ATP10A: variants seen among roughly 807,000 people sequenced by gnomAD.
ATP10A encodes the protein ATPase phospholipid transporting 10A (putative).
Under a neutral mutation model 147.8 loss-of-function variants are expected in ATP10A, and 111 were observed. The observed-to-expected ratio is 0.75, with a 90% CI of 0.64 to 0.88. The LOEUF is 0.88. Among genes scored for constraint, ATP10A ranks in the 40% least tolerant of loss-of-function variants. The probability of loss-of-function intolerance (pLI) is 0.00; values close to 1 mark genes in which losing one functional copy is unlikely to be tolerated. For missense variants in ATP10A, 1,927 were observed against 1,959.0 expected (o/e 0.98, Z 0.31); for synonymous variants, 875 against 841.6 (o/e 1.04, Z -0.69).
intron 2 of ATP10A, among the ~76,000 whole-genome samples, chr15:25,760,801 G>A (rs187214747): frequency 3.3e-5 from 5 of 152,262 alleles, no homozygotes; most frequent in South Asian, 2.1e-4. Flanking sequence ...AGCTATGATC[G>A]TGCCACTGCA....
At chr15:25,750,704 TATG>T (rs56087263) in intron 2 of ATP10A, among the ~76,000 whole-genome samples, 1,830 of 150,978 alleles carry the variant, frequency 0.012, 46 homozygotes, top group African/African-American at 0.042. Flanking sequence ...AACATATATA[TATG>T]ATGATGATGA....
chr15:25,790,288 C>T (rs1014306809), intron 1 of ATP10A, among the ~76,000 whole-genome samples: 3 of 152,156 alleles, frequency 2.0e-5, no homozygotes, highest in Non-Finnish European at 4.4e-5. Context: ...AGACTAGATG[C>T]ACAAAATGTA....
At chr15:25,684,994 T>C (rs548813587) in intron 16 of ATP10A, among the ~76,000 whole-genome samples, 3 of 152,298 alleles carry the variant, frequency 2.0e-5, no homozygotes, top group African/African-American at 7.2e-5. Flanking sequence ...CTTTCTTCCC[T>C]TCCTCACTCC....
At chr15:25,850,007 G>A (rs949564353) in intron 1 of ATP10A, among the ~76,000 whole-genome samples, 2 of 152,088 alleles carry the variant, frequency 1.3e-5, no homozygotes, top group African/African-American at 4.8e-5. Context: ...CATTACCTAG[G>A]TTTCTACCAA....
intron 15 of ATP10A, among the ~76,000 whole-genome samples, chr15:25,688,660 C>G (rs1400932685): frequency 6.6e-6 from 1 of 152,118 alleles, no homozygotes; most frequent in Non-Finnish European, 1.5e-5. Context: ...AAACAGAATG[C>G]CAACCTGCCT....
chr15:25,837,746 G>A (rs759932728), intron 1 of ATP10A, among the ~76,000 whole-genome samples: 1 of 152,220 alleles, frequency 6.6e-6, no homozygotes, highest in African/African-American at 2.4e-5. Context: ...CCTGCTTTGC[G>A]CTGGCTGGCA....
At chr15:25,791,119 C>T (rs1413240733) in intron 1 of ATP10A, among the ~76,000 whole-genome samples, 4 of 144,206 alleles carry the variant, frequency 2.8e-5, no homozygotes, top group Non-Finnish European at 4.5e-5. Flanking sequence ...CTTGCTCTGT[C>T]GCCCAGGCTG....
intron 9 of ATP10A, among the ~76,000 whole-genome samples, chr15:25,714,916 G>C (rs1420257959): frequency 6.6e-6 from 1 of 151,328 alleles, no homozygotes; most frequent in Non-Finnish European, 1.5e-5. Flanking sequence ...CCCAAACATT[G>C]AAACAATATT....
At chr15:25,803,401 G>C (rs1362819094) in intron 1 of ATP10A, among the ~76,000 whole-genome samples, 1 of 152,230 alleles carries the variant, frequency 6.6e-6, no homozygotes, top group African/African-American at 2.4e-5. Context: ...CATGTCCCCT[G>C]GGTGCTGGGA....
chr15:25,791,287 C>T (rs1596893730), intron 1 of ATP10A, among the ~76,000 whole-genome samples: 1 of 152,130 alleles, frequency 6.6e-6, no homozygotes, highest in East Asian at 1.9e-4. Context: ...ATCTCCCTGC[C>T]ACCCAGACCA....
At chr15:25,700,421 C>A (rs550500598) in intron 13 of ATP10A, among the ~76,000 whole-genome samples, 1 of 152,320 alleles carries the variant, frequency 6.6e-6, no homozygotes, top group African/African-American at 2.4e-5. Context: ...TGTCAACAAC[C>A]AGAAACAACT....
intron 1 of ATP10A, among the ~76,000 whole-genome samples, chr15:25,787,779 T>A (rs1890237608): frequency 6.6e-6 from 1 of 152,078 alleles, no homozygotes; most frequent in Non-Finnish European, 1.5e-5. Context: ...GGAGGGGGCT[T>A]GTCCAAGATC....
chr15:25,758,913 C>T (rs182810584), intron 2 of ATP10A, among the ~76,000 whole-genome samples: 2 of 152,174 alleles, frequency 1.3e-5, no homozygotes, highest in African/African-American at 2.4e-5. Flanking sequence ...CCTGCTCCAC[C>T]CTAACTCATT....
In ATP10A at chr15:25,691,588, T is replaced by C. The variant is rs1339519651; in HGVS notation, c.3165+127A>G. On this transcript the variant is annotated intron_variant, in intron 15 of 20. Coordinates refer to ENST00000555815, the MANE Select transcript of ATP10A (RefSeq NM_024490.4). ...TAGCAGCTGTATTGAGCATCAGCTA[T>C]ATTAAGGGCAAACCCTTTAGCCTCG... The C allele has an allele frequency of 5.7e-6, 5 of 873,382 alleles. No homozygotes were observed. In the East Asian group the frequency reaches 7.3e-5, roughly 13 times the overall value. The allele number at this position is 873,382 out of a possible 1,614,324, so 54.1% of individuals were successfully genotyped here. A position where few individuals can be genotyped will look rare whatever the true frequency, so the allele number is the denominator to read the frequency against.
chr15:25,699,058 C>G (rs1438098575), intron 13 of ATP10A, among the ~76,000 whole-genome samples: 1 of 152,152 alleles, frequency 6.6e-6, no homozygotes, highest in Non-Finnish European at 1.5e-5. Flanking sequence ...CAAATAAAAG[C>G]TCCAGCAGGA....
intron 3 of ATP10A, among the ~76,000 whole-genome samples, chr15:25,729,548 G>A (rs11852929): frequency 0.95 from 145,153 of 152,192 alleles, 69,572 homozygotes; most frequent in East Asian, 1. Flanking sequence ...CTTCGAGTGT[G>A]CGCCTGTGAG....
At chr15:25,715,387 C>A (rs974236475) in intron 9 of ATP10A, among the ~76,000 whole-genome samples, 4 of 152,246 alleles carry the variant, frequency 2.6e-5, no homozygotes, top group Non-Finnish European at 4.4e-5. Flanking sequence ...TCTTCACCTG[C>A]AGCCTGAGTG....
intron 5 of ATP10A, among the ~76,000 whole-genome samples, chr15:25,724,532 G>A (rs1442373041): frequency 6.6e-6 from 1 of 152,188 alleles, no homozygotes; most frequent in Non-Finnish European, 1.5e-5. Context: ...CCTTTTTCAT[G>A]TCCTGTACAT....
Position 25,683,476 on chromosome 15 carries a change from C to T in ATP10A, c.3302G>A (p.Gly1101Asp). 6 of 1,612,732 alleles carry T rather than the reference C, an allele frequency of 3.7e-6. No individual in the cohort carries two copies. The highest frequency in any genetic ancestry group is 5.1e-6 in the Non-Finnish European group (6 of 1,179,354). ...GAAAAACTGGAACCAAAACAGGAGG[C>T]CCACGAACATCTGAAATCAAGAAAG... ...YFFYKNTMFV[G>D]LLFWFQFFCG... is the part of the protein sequence containing the mutation. The change falls in exon 17 of 21, where the codon GGC becomes GAC. Residue 1101 changes from glycine (G) to aspartate (D), a missense_variant. Gly to Asp is a moderately conservative substitution (Grantham distance 94, BLOSUM62 -1). Transcript: ENST00000555815.
Sources: allele counts gnomAD v4.1 joint callset (sites outside exome capture counted in the v4.1 genomes callset), GRCh38; gene constraint gnomAD v4.1.1; transcripts MANE v1.5; gene names NCBI Gene and HGNC (gene_info 2026-07-23, HGNC 2026-07-21).